The following NEK7 variants were observed in gnomAD, a reference collection of about 807,000 sequenced individuals.
NEK7 encodes NIMA related kinase 7.
NEK7 carries 18 observed loss-of-function variants against 44.6 expected under a neutral mutation model. The observed-to-expected ratio is 0.40, with a 90% CI of 0.28 to 0.60. The LOEUF is 0.60. Among genes scored for constraint, NEK7 ranks in the 20% least tolerant of loss-of-function variants. The probability of loss-of-function intolerance (pLI) is 0.38; values close to 1 mark genes in which losing one functional copy is unlikely to be tolerated. For synonymous variants in NEK7, 130 were observed against 121.1 expected (o/e 1.07, Z -0.48); for missense variants, 256 against 366.5 (o/e 0.70, Z 2.46).
At chr1:198,239,275 C>T (rs1463667394) in intron 2 of NEK7, among the ~76,000 whole-genome samples, 2 of 152,114 alleles carry the variant, frequency 1.3e-5, no homozygotes, top group Non-Finnish European at 2.9e-5. Context: ...CTTCAGAGAT[C>T]TTTATCATCT....
At chr1:198,163,855 G>A (rs1030920058) in intron 1 of NEK7, among the ~76,000 whole-genome samples, 4 of 152,104 alleles carry the variant, frequency 2.6e-5, no homozygotes, top group Admixed American at 2.0e-4. Flanking sequence ...TTAAAATAAA[G>A]TTTTAATAAT....
chr1:198,316,265 A>G (rs1253941736), intron 9 of NEK7, among the ~76,000 whole-genome samples: 5 of 152,242 alleles, frequency 3.3e-5, no homozygotes, highest in African/African-American at 9.6e-5. Context: ...TTCTGATGTG[A>G]CACAGCATTT....
intron 1 of NEK7, among the ~76,000 whole-genome samples, chr1:198,181,788 A>T (rs779635864): frequency 2.6e-5 from 4 of 152,132 alleles, no homozygotes; most frequent in Non-Finnish European, 5.9e-5. Context: ...TCACTGGATG[A>T]TGGACTAATC....
intron 2 of NEK7, among the ~76,000 whole-genome samples, chr1:198,242,061 A>G (rs576629166): frequency 6.6e-5 from 10 of 152,200 alleles, no homozygotes; most frequent in African/African-American, 9.6e-5. Flanking sequence ...AAAAATCTCA[A>G]TCATCCTTGA....
chr1:198,228,392 C>T (rs1006729785), intron 1 of NEK7, among the ~76,000 whole-genome samples: 7 of 151,966 alleles, frequency 4.6e-5, no homozygotes, highest in African/African-American at 1.7e-4. Context: ...TAGTTTTTTC[C>T]AATTATGTGA....
chr1:198,237,864 T>C (rs1666579535), intron 2 of NEK7, among the ~76,000 whole-genome samples: 2 of 152,210 alleles, frequency 1.3e-5, no homozygotes, highest in Non-Finnish European at 2.9e-5. Flanking sequence ...TCACACAGTA[T>C]GTCAACCCTG....
At chr1:198,314,927 C>T (rs1448113580) in intron 9 of NEK7, among the ~76,000 whole-genome samples, 4 of 152,238 alleles carry the variant, frequency 2.6e-5, no homozygotes, top group African/African-American at 9.6e-5. Flanking sequence ...CCTACAGAGG[C>T]AGGCAGGTCT....
rs567147783 is a variant in NEK7, at chr1:198,278,308, A to T, written c.481+239A>T. ...AACCAGTAAGATGCTGTTGGTAAAGATAAGACAGCAATCAAATATATATAA... is the reference window on the plus strand; with the variant it reads ...AACCAGTAAGATGCTGTTGGTAAAGTTAAGACAGCAATCAAATATATATAA... On this transcript the variant is annotated intron_variant, in intron 6 of 9. Transcript: ENST00000367385. Among the ~76,000 whole-genome samples the T allele has an allele frequency of 2.6e-5, 4 of 151,668 alleles. No individual in the cohort carries two copies. The South Asian group carries it at 6.2e-4, about 24-fold the overall frequency.
intron 3 of NEK7, chr1:198,256,430 T>G: frequency 6.2e-7 from 1 of 1,610,848 alleles, no homozygotes; most frequent in East Asian, 2.2e-5. Flanking sequence ...TATGGCAACA[T>G]TAACCAATCT....
chr1:198,281,877 A>G (rs1378557481), intron 7 of NEK7, among the ~76,000 whole-genome samples: 1 of 152,068 alleles, frequency 6.6e-6, no homozygotes, highest in Non-Finnish European at 1.5e-5. Flanking sequence ...TCTGTAGCAA[A>G]TAAAGTTGTA....
chr1:198,184,731 C>T (rs539946818), intron 1 of NEK7, among the ~76,000 whole-genome samples: 1 of 152,016 alleles, frequency 6.6e-6, no homozygotes, highest in Admixed American at 6.5e-5. Flanking sequence ...TGCAGTGGTG[C>T]CATCATGACT....
chr1:198,317,711 G>C (rs967782898), intron 9 of NEK7, among the ~76,000 whole-genome samples: 1 of 151,744 alleles, frequency 6.6e-6, no homozygotes, highest in East Asian at 1.9e-4. Context: ...TTTGTACCAT[G>C]GTTATCTTTT....
At chr1:198,252,568 A>AAATAT (rs1653084211) in intron 2 of NEK7, among the ~76,000 whole-genome samples, 1 of 63,334 alleles carries the variant, frequency 1.6e-5, no homozygotes, top group Non-Finnish European at 2.9e-5. Context: ...ATATATATAT[A>AAATAT]AAAAGTACAT....
intron 5 of NEK7, among the ~76,000 whole-genome samples, chr1:198,275,044 A>G (rs895864469): frequency 6.6e-6 from 1 of 151,712 alleles, no homozygotes; most frequent in Non-Finnish European, 1.5e-5. Flanking sequence ...GTTTGTATAT[A>G]CATACTTTTA....
At chr1:198,167,151 C>T (rs936802979) in intron 1 of NEK7, among the ~76,000 whole-genome samples, 1 of 152,164 alleles carries the variant, frequency 6.6e-6, no homozygotes, top group Non-Finnish European at 1.5e-5. Flanking sequence ...CTTGTCTTTC[C>T]TTGGCTTGTG....
intron 7 of NEK7, 98 bp downstream of exon 7, chr1:198,279,159 A>T: frequency 1.4e-6 from 1 of 726,646 alleles, no homozygotes; most frequent in Non-Finnish European, 2.4e-6. Flanking sequence ...CATTCTTAAT[A>T]AAACTATTTT....
intron 3 of NEK7, among the ~76,000 whole-genome samples, chr1:198,254,288 C>T (rs1189873193): frequency 1.3e-5 from 2 of 152,038 alleles, no homozygotes; most frequent in Non-Finnish European, 2.9e-5. Flanking sequence ...TGTGCTACTC[C>T]CTTCCCTCAG....
At chr1:198,199,092 A>G (rs2102786962) in intron 1 of NEK7, among the ~76,000 whole-genome samples, 1 of 152,358 alleles carries the variant, frequency 6.6e-6, no homozygotes, top group East Asian at 1.9e-4. Context: ...GCTGTCATTT[A>G]GCTGAATTCT....
In NEK7 at chr1:198,232,534, C is replaced by T; in HGVS notation, c.-28-19C>T. 8.4e-7 allele frequency: 1 copy of T among 1,184,982 alleles called. No individual in the cohort carries two copies. The highest frequency in any genetic ancestry group is 1.3e-6 in the Non-Finnish European group (1 of 791,374). 73.4% of individuals were successfully genotyped at this position (1,184,982 alleles called of 1,614,324 possible). On this transcript the variant is annotated intron_variant, in intron 1 of 9. Coordinates refer to ENST00000367385, the MANE Select transcript of NEK7 (RefSeq NM_133494.3). Reference sequence around the variant, plus strand: ...GGTAATGATTACATTATTTAAATTTCAACTTTACATTTTTGCAGAGTTCTA... The same window carrying T: ...GGTAATGATTACATTATTTAAATTTTAACTTTACATTTTTGCAGAGTTCTA...
Sources: allele counts gnomAD v4.1 joint callset (sites outside exome capture counted in the v4.1 genomes callset), GRCh38; gene constraint gnomAD v4.1.1; transcripts MANE v1.5; gene names NCBI Gene and HGNC (gene_info 2026-07-23, HGNC 2026-07-21).